Variants in ATM observed in about 807,000 individuals in gnomAD.
ATM encodes the protein ATM serine/threonine kinase.
ATM carries 308 observed loss-of-function variants against 387.0 expected under a neutral mutation model. That is an observed-to-expected ratio of 0.80 (90% confidence interval 0.73 to 0.87). The LOEUF (loss-of-function observed/expected upper bound fraction) is 0.87, where lower values mean the gene tolerates loss of function less well. ATM is among the 40% of genes least tolerant of loss of function. The probability of loss-of-function intolerance (pLI) is 0.00; values close to 1 mark genes in which losing one functional copy is unlikely to be tolerated. For synonymous variants in ATM, 1,156 were observed against 1,187.3 expected (o/e 0.97, Z 0.54); for missense variants, 3,312 against 3,560.9 (o/e 0.93, Z 1.78).
At chr11:108,247,170 AT>A (rs750136072) in intron 8 of ATM, 43 bp downstream of exon 8, 1,158 of 1,540,550 alleles carry the variant, frequency 7.5e-4, no homozygotes, top group Non-Finnish European at 8.3e-4. Context: ...TTTCCTGTTA[AT>A]TTTTTTTTTA....
At position 108,315,911 on chromosome 11, in the gene ATM, G is replaced by A. The variant is rs139770721; in HGVS notation, c.6095G>A (p.Arg2032Lys). Residue 2032 changes from arginine to lysine, a missense_variant and splice_region_variant, in exon 41 of 63, where the codon AGA becomes AAA. Transcript: ENST00000675843. ...GGGAAGATGTTACAACCCATTACTA[G>A]GTAAATTGCATTTTTCTAAACAACG... ...GGGKMLQPIT[R>K]LRTYEHEAMW... 8.1e-6 allele frequency: 13 copies of A among 1,610,458 alleles called. No homozygotes were observed. Among genetic ancestry groups the A allele is most frequent in the Non-Finnish European group, 1.1e-5 (13 of 1,176,864 alleles).
At chr11:108,356,113 C>A (rs2089891435) in intron 61 of ATM, 1 of 152,086 alleles carries the variant, frequency 6.6e-6, no homozygotes, top group East Asian at 1.9e-4. Flanking sequence ...ATTGGTTCTG[C>A]AGTAAGAATA....
At chr11:108,305,647 T>C (rs547149662) in intron 37 of ATM, among the ~76,000 whole-genome samples, 17 of 152,172 alleles carry the variant, frequency 1.1e-4, no homozygotes, top group Non-Finnish European at 2.5e-4. Flanking sequence ...CTTCTAATTG[T>C]TTAAAACAAA....
chr11:108,272,743 G>T lies in ATM; in HGVS notation c.3175G>T (p.Ala1059Ser), dbSNP rs370282831. The T allele has an allele frequency of 3.7e-6, 6 of 1,613,892 alleles. No individual in the cohort carries two copies. In the South Asian group the frequency reaches 5.5e-5, roughly 15 times the overall value. ...LLEADPYSKWAILNVMGKDFP... is the reference protein window; with the variant it reads ...LLEADPYSKWSILNVMGKDFP... The stretch of plus-strand genomic sequence containing the variant: ...GTAGGCTGATCCTTATTCAAAATGG[G>T]CCATTCTTAATGTAATGGGAAAAGA... The change falls in exon 22 of 63, where the codon GCC becomes TCC. Residue 1059 changes from alanine (A) to serine (S), a missense_variant. This residue lies in a region of ATM where 1,791 missense variants were observed against 1,804.5 expected (regional missense o/e 0.99). Transcript: ENST00000675843.
Position 108,284,245 on chromosome 11 carries a change from G to T in ATM, c.3765G>T (p.Leu1255Phe). ...TTTTTAGATCTTGTTATAAGGTTTT[G>T]ATTCCACATCTGGTGATTAGAAGTC... ...EDFYRSCYKV[L>F]IPHLVIRSHF... Residue 1255 changes from leucine (L) to phenylalanine (F), a missense_variant, in exon 26 of 63, where the codon TTG (leucine) becomes TTT (phenylalanine). Transcript: ENST00000675843. 1 of 1,610,090 alleles carries T rather than the reference G, an allele frequency of 6.2e-7. No homozygotes were observed. Among genetic ancestry groups the T allele is most frequent in the South Asian group, 1.1e-5 (1 of 90,800 alleles).
chr11:108,294,850 A>T, intron 31 of ATM, 77 bp from the exon 32 acceptor site: 1 of 1,544,774 alleles, frequency 6.5e-7, no homozygotes, highest in Non-Finnish European at 8.9e-7. Flanking sequence ...CACTTAACTA[A>T]TTTTTTTCTT....
At chr11:108,293,917 A>G (rs143085086) in intron 31 of ATM, among the ~76,000 whole-genome samples, 2,152 of 139,818 alleles carry the variant, frequency 0.015, 59 homozygotes, top group African/African-American at 0.05. Flanking sequence ...ATATATATAT[A>G]TATGTGTGTG....
intron 45 of ATM, among the ~76,000 whole-genome samples, chr11:108,324,140 T>G (rs2085431924): frequency 6.6e-6 from 1 of 152,184 alleles, no homozygotes; most frequent in Admixed American, 6.5e-5. Context: ...ATTAGAGATT[T>G]ATGTATAACC....
At chr11:108,276,082 T>C (rs1388429867) in intron 22 of ATM, among the ~76,000 whole-genome samples, 1 of 152,216 alleles carries the variant, frequency 6.6e-6, no homozygotes, top group Admixed American at 6.5e-5. Context: ...TCTCTAATCT[T>C]GTCTTCATGC....
At chr11:108,308,768 C>A (rs1245025363) in intron 38 of ATM, 3 of 459,634 alleles carry the variant, frequency 6.5e-6, no homozygotes, top group South Asian at 6.4e-5. Context: ...AAATTAATTC[C>A]TATGTAGTCT....
intron 61 of ATM, among the ~76,000 whole-genome samples, chr11:108,364,574 GA>G (rs2091138707): frequency 6.6e-6 from 1 of 152,148 alleles, no homozygotes; most frequent in African/African-American, 2.4e-5. Context: ...AGAACTGAGA[GA>G]AAAAGAGCCA....
At chr11:108,347,194 T>G in intron 58 of ATM, 85 bp from the exon 59 acceptor site, 1 of 1,027,042 alleles carries the variant, frequency 9.7e-7, no homozygotes, top group Non-Finnish European at 1.5e-6. Flanking sequence ...TTATACCAAG[T>G]CAGTGGTCTT....
In ATM at chr11:108,272,525, A is replaced by G. The variant is rs778919700; in HGVS notation, c.3078-7A>G. On this transcript the variant is annotated splice_polypyrimidine_tract_variant and splice_region_variant and intron_variant, in intron 20 of 62. Transcript: ENST00000675843. ...TATTTAACTTTGGAAAACTTACTTG[A>G]TTTCAGGCATCTAACAAAGGAGAGG... 6.2e-7 allele frequency: 1 copy of G among 1,606,436 alleles called. No homozygotes were observed. Among genetic ancestry groups the G allele is most frequent in the Admixed American group, 1.7e-5 (1 of 60,004 alleles).
chr11:108,233,344 C>T (rs1325918848), intron 4 of ATM, among the ~76,000 whole-genome samples: 1 of 152,038 alleles, frequency 6.6e-6, no homozygotes, highest in Non-Finnish European at 1.5e-5. Flanking sequence ...CCAAGGCAGG[C>T]AGATTGCTTG....
At chr11:108,278,400 G>A (rs1052221386) in intron 22 of ATM, among the ~76,000 whole-genome samples, 1 of 152,146 alleles carries the variant, frequency 6.6e-6, no homozygotes, top group African/African-American at 2.4e-5. Flanking sequence ...AGGCGGCAGT[G>A]TAGTGGTGGC....
chr11:108,314,153 T>C (rs1205992942), intron 40 of ATM, among the ~76,000 whole-genome samples: 1 of 152,194 alleles, frequency 6.6e-6, no homozygotes, highest in Admixed American at 6.5e-5. Context: ...TCTGGCTCTG[T>C]TGCCCAGGCT....
At chr11:108,228,492 G>A (rs1482354383) in intron 3 of ATM, among the ~76,000 whole-genome samples, 1 of 152,174 alleles carries the variant, frequency 6.6e-6, no homozygotes, top group East Asian at 1.9e-4. Flanking sequence ...TTTAAATACT[G>A]AGAGTATTAA....
intron 59 of ATM, 131 bp from the exon 60 acceptor site, chr11:108,353,632 AACT>A: frequency 1.4e-6 from 1 of 722,092 alleles, no homozygotes; most frequent in Non-Finnish European, 2.5e-6. Flanking sequence ...AGCAGAAGTA[AACT>A]ACTGTACATA....
chr11:108,365,562 C>T lies in ATM; in HGVS notation c.*54C>T. The stretch of plus-strand genomic sequence containing the variant: ...CAGCCTTTAGAAATTATATTTTAGC[C>T]TTTATTTTTAACCTGCCAACATACT... On this transcript the variant is annotated 3_prime_UTR_variant, in exon 63 of 63. Transcript: ENST00000675843. 1 of 1,571,878 alleles carries T rather than the reference C, an allele frequency of 6.4e-7. No homozygotes were observed. Among genetic ancestry groups the T allele is most frequent in the Non-Finnish European group, 8.7e-7 (1 of 1,154,552 alleles).
Sources: allele counts gnomAD v4.1 joint callset (sites outside exome capture counted in the v4.1 genomes callset), GRCh38; gene constraint gnomAD v4.1.1; regional missense constraint gnomAD v4.1.1; transcripts MANE v1.5; gene names NCBI Gene and HGNC (gene_info 2026-07-23, HGNC 2026-07-21).